The following EPHA5 variants were observed in gnomAD, a reference collection of about 807,000 sequenced individuals.
The protein encoded by EPHA5 is EPH receptor A5.
A neutral mutation model predicts 105.0 loss-of-function variants in EPHA5; 60 were observed. The ratio of observed to expected loss-of-function variants is 0.57; its 90% CI spans 0.46 to 0.71. EPHA5 has a LOEUF of 0.71. Ranked by LOEUF, EPHA5 falls within the 30% of genes least tolerant of loss-of-function variation. The pLI is 0.00. For synonymous variants in EPHA5, 513 were observed against 449.1 expected (o/e 1.14, Z -1.80); for missense variants, 1,218 against 1,274.7 (o/e 0.96, Z 0.68).
chr4:65,586,844 A>G (rs1169712925), intron 3 of EPHA5, among the ~76,000 whole-genome samples: 1 of 152,088 alleles, frequency 6.6e-6, no homozygotes, highest in East Asian at 1.9e-4. Context: ...CCTGGCATGC[A>G]GCTGGGTGAG....
At chr4:65,562,256 C>T (rs911352618) in intron 3 of EPHA5, among the ~76,000 whole-genome samples, 1 of 152,044 alleles carries the variant, frequency 6.6e-6, no homozygotes, top group African/African-American at 2.4e-5. Flanking sequence ...ATTTCCCCCA[C>T]TACTGAGGGA....
Position 65,332,055 on chromosome 4 carries a change from C to T in EPHA5, c.2863G>A (p.Ala955Thr), listed in dbSNP as rs1720670648. 6.2e-7 allele frequency: 1 copy of T among 1,611,686 alleles called. No homozygotes were observed. The highest frequency in any genetic ancestry group is 1.6e-4 in the Middle Eastern group (1 of 6,070). ...TCTGTATACCGGCCCATCTTGATTGCCTCTAGCCATTCACCTACTGATCTG... is the reference window on the plus strand; with the variant it reads ...TCTGTATACCGGCCCATCTTGATTGTCTCTAGCCATTCACCTACTGATCTG... ...AYRSVGEWLE[A>T]IKMGRYTEIF... Residue 955 changes from alanine to threonine, a missense_variant, in exon 16 of 17, where the codon GCA becomes ACA. Physicochemically the swap from Ala to Thr is moderately conservative, Grantham distance 58. This residue lies in a region of EPHA5 where 971 missense variants were observed against 1,013.5 expected (regional missense o/e 0.96). Transcript: ENST00000613740.
chr4:65,487,653 G>A (rs1578231559), intron 5 of EPHA5, among the ~76,000 whole-genome samples: 1 of 152,250 alleles, frequency 6.6e-6, no homozygotes, highest in Admixed American at 6.5e-5. Context: ...GACTCTGCAG[G>A]AGGACAGATT....
intron 11 of EPHA5, among the ~76,000 whole-genome samples, chr4:65,355,161 T>C (rs1201735338): frequency 6.6e-6 from 1 of 151,598 alleles, no homozygotes; most frequent in East Asian, 1.9e-4. Flanking sequence ...TGTCTATGCA[T>C]ATTGTCAAGA....
At chr4:65,452,517 T>C (rs893010362) in intron 5 of EPHA5, among the ~76,000 whole-genome samples, 1 of 151,770 alleles carries the variant, frequency 6.6e-6, no homozygotes, top group Non-Finnish European at 1.5e-5. Context: ...CTAAGTAAAC[T>C]TGTGATGGAG....
At chr4:65,339,072 T>C (rs1240810748) in intron 14 of EPHA5, among the ~76,000 whole-genome samples, 1 of 152,302 alleles carries the variant, frequency 6.6e-6, no homozygotes, top group African/African-American at 2.4e-5. Context: ...TAATATGCTA[T>C]GCATTTTCTT....
At chr4:65,366,574 T>TAA (rs1488584413) in intron 9 of EPHA5, among the ~76,000 whole-genome samples, 1 of 151,910 alleles carries the variant, frequency 6.6e-6, no homozygotes, top group East Asian at 1.9e-4. Flanking sequence ...AGACAAGACT[T>TAA]ACGCTCTGTG....
intron 5 of EPHA5, among the ~76,000 whole-genome samples, chr4:65,433,775 C>T (rs992887252): frequency 6.6e-6 from 1 of 152,158 alleles, no homozygotes; most frequent in Non-Finnish European, 1.5e-5. Context: ...GTTCAAAGCA[C>T]TTTCACTTGG....
chr4:65,531,836 G>GA (rs371538958), intron 3 of EPHA5, among the ~76,000 whole-genome samples: 40 of 152,244 alleles, frequency 2.6e-4, no homozygotes, highest in Admixed American at 1.2e-3. Flanking sequence ...TCTTTTACAT[G>GA]AAAAAATAAA....
intron 2 of EPHA5, among the ~76,000 whole-genome samples, chr4:65,607,614 A>G (rs1578563391): frequency 6.6e-6 from 1 of 152,336 alleles, no homozygotes; most frequent in East Asian, 1.9e-4. Flanking sequence ...GAGAAACGCA[A>G]ATCAAAACCA....
chr4:65,518,975 A>G (rs1265583043), intron 3 of EPHA5, among the ~76,000 whole-genome samples: 1 of 152,090 alleles, frequency 6.6e-6, no homozygotes, highest in Admixed American at 6.6e-5. Context: ...TGAGGCCAGC[A>G]TCATCCTGAT....
intron 5 of EPHA5, among the ~76,000 whole-genome samples, chr4:65,440,238 T>A (rs972971927): frequency 2.0e-5 from 3 of 152,044 alleles, no homozygotes; most frequent in African/African-American, 7.2e-5. Flanking sequence ...TTTAAATAGA[T>A]GTTATTAAAG....
At chr4:65,431,845 T>A (rs1725010321) in intron 5 of EPHA5, among the ~76,000 whole-genome samples, 1 of 152,124 alleles carries the variant, frequency 6.6e-6, no homozygotes, top group Non-Finnish European at 1.5e-5. Flanking sequence ...CATTTATCTT[T>A]GTATCCTCTA....
chr4:65,455,720 G>T (rs1727514355), intron 5 of EPHA5, among the ~76,000 whole-genome samples: 1 of 152,100 alleles, frequency 6.6e-6, no homozygotes, highest in Non-Finnish European at 1.5e-5. Context: ...AAAAAAAGCA[G>T]ATGGTACAAT....
intron 5 of EPHA5, among the ~76,000 whole-genome samples, chr4:65,450,658 C>A (rs1265123648): frequency 1.3e-5 from 2 of 152,102 alleles, no homozygotes; most frequent in South Asian, 4.1e-4. Context: ...AATTATAATA[C>A]CAGCCCAATG....
At chr4:65,466,851 C>A (rs1250801224) in intron 5 of EPHA5, among the ~76,000 whole-genome samples, 1 of 152,130 alleles carries the variant, frequency 6.6e-6, no homozygotes, top group African/African-American at 2.4e-5. Flanking sequence ...GGCCGAAAGT[C>A]CTGTTATTAA....
At chr4:65,503,800 A>G (rs1237166827) in intron 3 of EPHA5, among the ~76,000 whole-genome samples, 1 of 151,572 alleles carries the variant, frequency 6.6e-6, no homozygotes, top group Non-Finnish European at 1.5e-5. Context: ...CTTATACATT[A>G]CCCGTCACAT....
intron 8 of EPHA5, among the ~76,000 whole-genome samples, chr4:65,385,916 C>A (rs1215740814): frequency 1.3e-5 from 2 of 151,726 alleles, no homozygotes; most frequent in Non-Finnish European, 1.5e-5. Context: ...TAGCCCAGAG[C>A]CAACATAGAC....
At chr4:65,507,228 C>T (rs1244459808) in intron 3 of EPHA5, among the ~76,000 whole-genome samples, 3 of 151,986 alleles carry the variant, frequency 2.0e-5, no homozygotes, top group Admixed American at 2.0e-4. Flanking sequence ...TGGTCTATAT[C>T]TCTGTTTTGG....
Sources: allele counts gnomAD v4.1 joint callset (sites outside exome capture counted in the v4.1 genomes callset), GRCh38; gene constraint gnomAD v4.1.1; regional missense constraint gnomAD v4.1.1; transcripts MANE v1.5; gene names NCBI Gene and HGNC (gene_info 2026-07-23, HGNC 2026-07-21).